Variants in PSD3 observed in about 807,000 individuals in gnomAD.
PSD3 encodes the protein PH and SEC7 domain-containing protein 3.
Under a neutral mutation model 105.5 loss-of-function variants are expected in PSD3, and 49 were observed. The observed-to-expected ratio is 0.46, with a 90% CI of 0.37 to 0.59. PSD3 has a LOEUF of 0.59. Ranked by LOEUF, PSD3 falls within the 20% of genes least tolerant of loss-of-function variation. The pLI is 0.00. For missense variants in PSD3, 1,561 were observed against 1,263.8 expected (o/e 1.24, Z -3.57); for synonymous variants, 557 against 457.8 (o/e 1.22, Z -2.77).
At chr8:18,683,760 T>G (rs558767430) in intron 9 of PSD3, 1 of 764,514 alleles carries the variant, frequency 1.3e-6, no homozygotes, top group South Asian at 1.3e-5. Flanking sequence ...AGGTTCAATG[T>G]GGTATTTCTT....
intron 1 of PSD3, among the ~76,000 whole-genome samples, chr8:18,951,751 G>A (rs1299210411): frequency 2.0e-5 from 3 of 152,190 alleles, no homozygotes; most frequent in Admixed American, 6.5e-5. Context: ...TTGGGAGGCC[G>A]AGGCAGGTGG....
At chr8:18,613,919 G>T (rs779714383) in intron 11 of PSD3, among the ~76,000 whole-genome samples, 3 of 152,178 alleles carry the variant, frequency 2.0e-5, no homozygotes, top group Non-Finnish European at 4.4e-5. Context: ...TGCTAAGCCG[G>T]CCGCCTCCAC....
intron 9 of PSD3, among the ~76,000 whole-genome samples, chr8:18,669,342 C>T (rs1207090944): frequency 6.6e-6 from 1 of 152,038 alleles, no homozygotes; most frequent in African/African-American, 2.4e-5. Flanking sequence ...ATGTTTTTTT[C>T]CTAGACTTAC....
chr8:18,996,609 A>G (rs916117288), intron 1 of PSD3, among the ~76,000 whole-genome samples: 1 of 151,944 alleles, frequency 6.6e-6, no homozygotes. Flanking sequence ...ATGAAGCATC[A>G]TATTTTTTTC....
intron 9 of PSD3, among the ~76,000 whole-genome samples, chr8:18,708,470 T>A (rs1802034385): frequency 1.3e-5 from 2 of 151,424 alleles, no homozygotes; most frequent in African/African-American, 4.9e-5. Flanking sequence ...CACAGAAAAA[T>A]TTCTAACTTT....
intron 9 of PSD3, among the ~76,000 whole-genome samples, chr8:18,745,522 C>G (rs762590261): frequency 6.6e-6 from 1 of 152,228 alleles, no homozygotes; most frequent in Non-Finnish European, 1.5e-5. Flanking sequence ...TGAGCACTTA[C>G]TTTCTGGCAC....
In PSD3 at chr8:18,573,076, C is replaced by G. The variant is rs542977324; in HGVS notation, c.2640-404G>C. ...GTAGAGGGAAGGTAAAAGGATTTATCTACTTTGGAAAACAGCTGACAGGTT... is the reference window on the plus strand; with the variant it reads ...GTAGAGGGAAGGTAAAAGGATTTATGTACTTTGGAAAACAGCTGACAGGTT... On this transcript the variant is annotated intron_variant, in intron 13 of 15. Transcript: ENST00000327040. 7.4e-4 allele frequency among the ~76,000 whole-genome samples: 112 copies of G among 152,286 alleles called. 1 individual carries two copies. Among genetic ancestry groups the G allele is most frequent in the African/African-American group, 2.6e-3 (109 of 41,554 alleles).
chr8:18,740,335 C>A (rs541094985), intron 9 of PSD3, among the ~76,000 whole-genome samples: 1 of 152,196 alleles, frequency 6.6e-6, no homozygotes, highest in Non-Finnish European at 1.5e-5. Flanking sequence ...CTGACCTCAA[C>A]TGCACCCTTT....
chr8:18,920,016 TTA>T (rs1820900638), intron 2 of PSD3, among the ~76,000 whole-genome samples: 2 of 135,782 alleles, frequency 1.5e-5, no homozygotes, highest in African/African-American at 6.0e-5. Flanking sequence ...AATAAATAAA[TTA>T]AAAAAAAAAA....
chr8:18,721,547 C>A (rs556743773), intron 9 of PSD3, among the ~76,000 whole-genome samples: 1 of 152,226 alleles, frequency 6.6e-6, no homozygotes, highest in East Asian at 1.9e-4. Flanking sequence ...TCATTTTATA[C>A]ATGAGGAAGG....
intron 9 of PSD3, among the ~76,000 whole-genome samples, chr8:18,753,770 C>T (rs1805796296): frequency 6.6e-6 from 1 of 152,094 alleles, no homozygotes; most frequent in South Asian, 2.1e-4. Context: ...ATCTATTTCA[C>T]ACTCCCTGTC....
At chr8:19,077,897 T>TC (rs2129478216) in intron 1 of PSD3, among the ~76,000 whole-genome samples, 1 of 152,096 alleles carries the variant, frequency 6.6e-6, no homozygotes, top group East Asian at 1.9e-4. Flanking sequence ...GGGTCAGGAG[T>TC]CCCAGAGAAC....
At chr8:18,674,863 G>T (rs1799982783) in intron 9 of PSD3, among the ~76,000 whole-genome samples, 1 of 152,024 alleles carries the variant, frequency 6.6e-6, no homozygotes, top group Non-Finnish European at 1.5e-5. Flanking sequence ...TAAAATATTA[G>T]CCTGGAGTGG....
chr8:18,872,013 C>T lies in PSD3; in HGVS notation c.851G>A (p.Cys284Tyr). Residue 284 changes from cysteine to tyrosine, a missense_variant, in exon 3 of 16, where the codon TGT (cysteine) becomes TAT (tyrosine). By Grantham distance (194) the Cys-to-Tyr change is radical. Transcript: ENST00000327040. The stretch of plus-strand genomic sequence containing the variant: ...GCGTCCCATGGAGCTGCTTCGATCA[C>T]ATCCCCCTGGGTGCTCTCTCCCAAG... ...SALGREHPGG[C>Y]DRSSSMGRPG... 6.2e-7 allele frequency: 1 copy of T among 1,614,184 alleles called. No individual in the cohort carries two copies. Among genetic ancestry groups the T allele is most frequent in the Non-Finnish European group, 8.5e-7 (1 of 1,180,018 alleles).
intron 4 of PSD3, among the ~76,000 whole-genome samples, chr8:18,817,291 T>C (rs1440940325): frequency 6.6e-6 from 1 of 152,224 alleles, no homozygotes; most frequent in African/African-American, 2.4e-5. Flanking sequence ...CCAAAGTTCG[T>C]GGGCTGTTTC....
chr8:18,853,310 T>C (rs17127335), intron 4 of PSD3, among the ~76,000 whole-genome samples: 8,238 of 152,298 alleles, frequency 0.054, 226 homozygotes, highest in Admixed American at 0.086. Flanking sequence ...ACACCTGTTA[T>C]AATCATTGAC....
intron 3 of PSD3, among the ~76,000 whole-genome samples, chr8:18,869,190 C>CTGTTTT (rs747960439): frequency 8.3e-5 from 10 of 119,790 alleles, no homozygotes; most frequent in African/African-American, 2.9e-4. Context: ...CTCTCCCCTG[C>CTGTTTT]TTTTTTTTTT....
At chr8:18,757,435 G>T (rs78356585) in intron 9 of PSD3, among the ~76,000 whole-genome samples, 4,873 of 152,220 alleles carry the variant, frequency 0.032, 268 homozygotes, top group East Asian at 0.19. Context: ...CTGCATTCCA[G>T]CCTGGGCAAC....
intron 12 of PSD3, among the ~76,000 whole-genome samples, chr8:18,581,913 A>C (rs1802842371): frequency 6.6e-6 from 1 of 152,188 alleles, no homozygotes; most frequent in South Asian, 2.1e-4. Context: ...ACATTAAGGA[A>C]GTGGCCAGAA....
Sources: gnomAD v4.1 joint callset for allele counts (sites outside exome capture counted in the v4.1 genomes callset) on GRCh38, gnomAD v4.1.1 for gene constraint, MANE v1.5 for transcripts, NCBI Gene and HGNC (gene_info 2026-07-23, HGNC 2026-07-21) for gene names.